MFSD6: variants seen among roughly 807,000 people sequenced by gnomAD.
MFSD6 encodes major facilitator superfamily domain-containing protein 6.
A neutral mutation model predicts 56.3 loss-of-function variants in MFSD6; 26 were observed. The ratio of observed to expected loss-of-function variants is 0.46; its 90% CI spans 0.34 to 0.64. The LOEUF is 0.64. Ranked by LOEUF, MFSD6 falls within the 30% of genes least tolerant of loss-of-function variation. MFSD6 has a pLI of 0.01. For synonymous variants in MFSD6, 331 were observed against 366.9 expected (o/e 0.90, Z 1.12); for missense variants, 750 against 986.2 (o/e 0.76, Z 3.21).
rs900190124 is a variant in MFSD6, at chr2:190,457,939, G to A, written c.1533-11819G>A. On this transcript the variant is annotated intron_variant, in intron 3 of 7. Coordinates refer to ENST00000392328, the MANE Select transcript of MFSD6 (RefSeq NM_017694.4). The surrounding 1 kb of genome is among the most constrained non-coding windows in gnomAD (Gnocchi z 5.1). ...ACCTCAACCACTGGAAAAGCAAATA[G>A]CAATTCATGAAATAAAGTAAATGAG... Among the ~76,000 whole-genome samples, 3 of 152,180 alleles carry A rather than the reference G, an allele frequency of 2.0e-5. No individual in the cohort carries two copies. The highest frequency in any genetic ancestry group is 7.2e-5 in the African/African-American group (3 of 41,446).
chr2:190,468,690 C>T (rs1045435450), intron 3 of MFSD6, among the ~76,000 whole-genome samples: 2 of 149,646 alleles, frequency 1.3e-5, no homozygotes, highest in South Asian at 2.1e-4. Context: ...AACTCTTGGG[C>T]GCAAGTGATC....
In MFSD6 at chr2:190,496,695, C is replaced by CAATGGA. The variant is rs1559145590; in HGVS notation, c.1892-743_1892-742insATGGAA. 4.0e-5 allele frequency among the ~76,000 whole-genome samples: 6 copies of CAATGGA among 151,526 alleles called. No individual in the cohort carries two copies. Among genetic ancestry groups the CAATGGA allele is most frequent in the African/African-American group, 1.5e-4 (6 of 41,246 alleles). On this transcript the variant is annotated intron_variant, in intron 6 of 7. Transcript: ENST00000392328. The surrounding 1 kb of genome is among the most constrained non-coding windows in gnomAD (Gnocchi z 4.7). ...GTGTGTGTGTATATACACACACACA[C>CAATGGA]ATATACATACATACACAATGGAATA... is the stretch of plus-strand genomic sequence containing the variant.
chr2:190,462,087 C>T lies in MFSD6; in HGVS notation c.1533-7671C>T. Among the ~76,000 whole-genome samples the T allele has an allele frequency of 6.6e-6, 1 of 152,068 alleles. No homozygotes were observed. The highest frequency in any genetic ancestry group is 1.9e-4 in the East Asian group (1 of 5,196). ...TGAAGGGCCCTATCATCGCAGATTT[C>T]CAGGATAATCATTGTTCGTGATTTG... On this transcript the variant is annotated intron_variant, in intron 3 of 7. Transcript: ENST00000392328. This position sits in a 1 kb window ranked among gnomAD's most constrained non-coding sequence, Gnocchi z 5.7.
At chr2:190,474,027 G>C (rs1024309065) in intron 4 of MFSD6, among the ~76,000 whole-genome samples, 11 of 152,120 alleles carry the variant, frequency 7.2e-5, no homozygotes, top group Non-Finnish European at 1.6e-4. Flanking sequence ...CGAGAACAAA[G>C]ACACAATGTA....
rs1689416518 is a variant in MFSD6 at position 190,492,513 on chromosome 2, A to T, written c.1891+2647A>T. On this transcript the variant is annotated intron_variant, in intron 6 of 7. Coordinates refer to ENST00000392328, the MANE Select transcript of MFSD6 (RefSeq NM_017694.4). This position sits in a 1 kb window ranked among gnomAD's most constrained non-coding sequence, Gnocchi z 5.2. Reference sequence around the variant, plus strand: ...ATGTTCAGCCTCATAATTAATTTCCATAAATAAATGGAAATTAAATAACCT... The same window carrying T: ...ATGTTCAGCCTCATAATTAATTTCCTTAAATAAATGGAAATTAAATAACCT... Among the ~76,000 whole-genome samples the T allele has an allele frequency of 6.6e-6, 1 of 152,254 alleles. No homozygotes were observed. The highest frequency in any genetic ancestry group is 1.5e-5 in the Non-Finnish European group (1 of 68,046).
chr2:190,474,901 G>C (rs1214448087), intron 4 of MFSD6, among the ~76,000 whole-genome samples: 1 of 152,150 alleles, frequency 6.6e-6, no homozygotes, highest in African/African-American at 2.4e-5. Flanking sequence ...GGGATGCAAG[G>C]CTGGTTCAAC....
rs1051164589 is a variant in MFSD6, at chr2:190,499,382, T to C, written c.2173-633T>C. Among the ~76,000 whole-genome samples the C allele has an allele frequency of 1.3e-5, 2 of 152,244 alleles. No homozygotes were observed. Among genetic ancestry groups the C allele is most frequent in the Non-Finnish European group, 2.9e-5 (2 of 68,044 alleles). ...TTTTTTTTTATTTGTACAACCAATA[T>C]GGCATTTATGGAAATTGCTGCTGGT... On this transcript the variant is annotated intron_variant, in intron 7 of 7. Coordinates refer to ENST00000392328, the MANE Select transcript of MFSD6 (RefSeq NM_017694.4). This position sits in a 1 kb window ranked among gnomAD's most constrained non-coding sequence, Gnocchi z 6.0.
intron 3 of MFSD6, among the ~76,000 whole-genome samples, chr2:190,448,281 A>G (rs546906263): frequency 1.3e-5 from 2 of 152,332 alleles, no homozygotes; most frequent in South Asian, 4.1e-4. Context: ...GATACTCCCT[A>G]TGGCCTAAAA....
At chr2:190,484,236 G>A (rs550309279) in intron 4 of MFSD6, among the ~76,000 whole-genome samples, 12 of 152,254 alleles carry the variant, frequency 7.9e-5, no homozygotes, top group Admixed American at 2.0e-4. Flanking sequence ...GTAATAGCTT[G>A]TATTTTGACT....
In MFSD6 at chr2:190,462,795, C is replaced by T. The variant is rs972665038; in HGVS notation, c.1533-6963C>T. 6.6e-6 allele frequency among the ~76,000 whole-genome samples: 1 copy of T among 152,146 alleles called. No individual in the cohort carries two copies. The highest frequency in any genetic ancestry group is 1.5e-5 in the Non-Finnish European group (1 of 68,026). ...AAAAAGGGAGAGAGATACTGTCAGC[C>T]CTGCTACTTCTAGATAAGCACTTGG... On this transcript the variant is annotated intron_variant, in intron 3 of 7. Transcript: ENST00000392328. The surrounding 1 kb of genome is among the most constrained non-coding windows in gnomAD (Gnocchi z 5.7).
chr2:190,422,003 A>T (rs1685635960), intron 2 of MFSD6, among the ~76,000 whole-genome samples: 1 of 152,082 alleles, frequency 6.6e-6, no homozygotes, highest in African/African-American at 2.4e-5. Flanking sequence ...TGACTTCCCA[A>T]TGTAGCTATA....
Position 190,469,653 on chromosome 2 carries a change from G to A in MFSD6, c.1533-105G>A. On this transcript the variant is annotated intron_variant, in intron 3 of 7. Transcript: ENST00000392328. The surrounding 1 kb of genome is among the most constrained non-coding windows in gnomAD (Gnocchi z 5.3). Reference sequence around the variant, plus strand: ...GGGTGGTTTGGGGAAGGAAAAGGTAGGTAATATTTGCATGTTTTGTACACA... The same window carrying A: ...GGGTGGTTTGGGGAAGGAAAAGGTAAGTAATATTTGCATGTTTTGTACACA... The A allele has an allele frequency of 1.8e-6, 1 of 565,144 alleles. No homozygotes were observed. The highest frequency in any genetic ancestry group is 1.9e-5 in the African/African-American group (1 of 51,732). 35.0% of individuals were successfully genotyped at this position (565,144 alleles called of 1,614,324 possible).
Position 190,463,742 on chromosome 2 carries a change from C to T in MFSD6, c.1533-6016C>T, listed in dbSNP as rs1433720123. On this transcript the variant is annotated intron_variant, in intron 3 of 7. Coordinates refer to ENST00000392328, the MANE Select transcript of MFSD6 (RefSeq NM_017694.4). The surrounding 1 kb of genome is among the most constrained non-coding windows in gnomAD (Gnocchi z 4.4). ...GGCTGAGGTGGGAGGATCACCTGGG[C>T]TCTGGTGGTCAAGGCTGCATTGAGC... 1 of 320,650 alleles carries T rather than the reference C, an allele frequency of 3.1e-6. No homozygotes were observed. The allele number at this position is 320,650 out of a possible 1,614,324, so 19.9% of individuals were successfully genotyped here. A position where few individuals can be genotyped will look rare whatever the true frequency, so the allele number is the denominator to read the frequency against.
intron 3 of MFSD6, chr2:190,442,660 C>T (rs1331116471): frequency 6.6e-6 from 1 of 152,006 alleles, no homozygotes; most frequent in Non-Finnish European, 1.5e-5. Context: ...GGTAGAGACC[C>T]CTACATTTCC....
chr2:190,443,924 C>T lies in MFSD6; in HGVS notation c.1532+6363C>T, dbSNP rs983597328. On this transcript the variant is annotated intron_variant, in intron 3 of 7. Transcript: ENST00000392328. This position sits in a 1 kb window ranked among gnomAD's most constrained non-coding sequence, Gnocchi z 4.2. Reference sequence around the variant, plus strand: ...AACATTAGCTGGGCATGGTGTCACACGCCTGTAGTCCCAGTTACTTGGGAG... The same window carrying T: ...AACATTAGCTGGGCATGGTGTCACATGCCTGTAGTCCCAGTTACTTGGGAG... Among the ~76,000 whole-genome samples the T allele has an allele frequency of 6.6e-6, 1 of 152,072 alleles. No homozygotes were observed. The highest frequency in any genetic ancestry group is 6.6e-5 in the Admixed American group (1 of 15,264).
intron 1 of MFSD6, among the ~76,000 whole-genome samples, chr2:190,414,015 A>G (rs1690677614): frequency 6.6e-6 from 1 of 152,162 alleles, no homozygotes; most frequent in Middle Eastern, 3.2e-3. Flanking sequence ...GGTAGAGCAA[A>G]GGAGGAAGGC....
At chr2:190,479,158 G>A (rs1688517137) in intron 4 of MFSD6, among the ~76,000 whole-genome samples, 1 of 152,178 alleles carries the variant, frequency 6.6e-6, no homozygotes, top group Non-Finnish European at 1.5e-5. Context: ...GGCTATTCAA[G>A]CCTTTATTGG....
Position 190,454,980 on chromosome 2 carries a change from ATATGTATATGTATATGTATAATGTATAT to A in MFSD6, c.1533-14777_1533-14750del. On this transcript the variant is annotated intron_variant, in intron 3 of 7. Coordinates refer to ENST00000392328, the MANE Select transcript of MFSD6 (RefSeq NM_017694.4). The surrounding 1 kb of genome is among the most constrained non-coding windows in gnomAD (Gnocchi z 4.6). Reference sequence around the variant, plus strand: ...TATATGTATATGTATATGTATATGTATATGTATATGTATATGTATAATGTATATGTATATGTATATGTGTGTTGGTAAG... The same window carrying A: ...TATATGTATATGTATATGTATATGTAGTATATGTATATGTGTGTTGGTAAG... 1.1e-5 allele frequency among the ~76,000 whole-genome samples: 1 copy of A among 92,402 alleles called. No homozygotes were observed. The highest frequency in any genetic ancestry group is 2.9e-5 in the Non-Finnish European group (1 of 33,948). The allele number at this position is 92,402 out of a possible 152,430, so 60.6% of individuals were successfully genotyped here.
Position 190,418,100 on chromosome 2 carries a change from T to G in MFSD6, c.-54+2687T>G, listed in dbSNP as rs887456569. On this transcript the variant is annotated intron_variant, in intron 2 of 7. Coordinates refer to ENST00000392328, the MANE Select transcript of MFSD6 (RefSeq NM_017694.4). The surrounding 1 kb of genome is among the most constrained non-coding windows in gnomAD (Gnocchi z 4.1). ...ACTTTTGGGATCCCTGTCTCATAGCTGCACAGTGCATTGAGAGTCAGTACC... is the reference window on the plus strand; with the variant it reads ...ACTTTTGGGATCCCTGTCTCATAGCGGCACAGTGCATTGAGAGTCAGTACC... Among the ~76,000 whole-genome samples the G allele has an allele frequency of 7.9e-5, 12 of 151,944 alleles. No individual in the cohort carries two copies. Among genetic ancestry groups the G allele is most frequent in the African/African-American group, 2.7e-4 (11 of 41,344 alleles).
Sources: allele counts gnomAD v4.1 joint callset (sites outside exome capture counted in the v4.1 genomes callset), GRCh38; gene constraint gnomAD v4.1.1; non-coding constraint Gnocchi (gnomAD v3.1); transcripts MANE v1.5; gene names NCBI Gene and HGNC (gene_info 2026-07-23, HGNC 2026-07-21).